The following XRCC1 variants were observed in gnomAD, a reference collection of about 807,000 sequenced individuals.
The protein encoded by XRCC1 is DNA repair protein XRCC1.
In XRCC1, 52 loss-of-function variants were observed where a neutral mutation model predicts 83.3. The observed-to-expected ratio is 0.62, with a 90% CI of 0.50 to 0.79. The LOEUF (loss-of-function observed/expected upper bound fraction) is 0.79. Among genes scored for constraint, XRCC1 ranks in the 30% least tolerant of loss-of-function variants. XRCC1 has a pLI of 0.00. For synonymous variants in XRCC1, 281 were observed against 312.6 expected, an observed-to-expected ratio of 0.90 and a Z score of 1.07; for missense variants, 793 against 823.5, an observed-to-expected ratio of 0.96 and a Z score of 0.45.
chr19:43,554,072 G>T (rs1296174073), intron 4 of XRCC1, among the ~76,000 whole-genome samples: 1 of 152,186 alleles, frequency 6.6e-6, no homozygotes, highest in African/African-American at 2.4e-5. Context: ...AATAGGAGAA[G>T]TCTGGGTCCC....
intron 6 of XRCC1, 77 bp from the exon 7 acceptor site, chr19:43,553,168 A>C (rs1329761037): frequency 6.9e-7 from 1 of 1,452,550 alleles, no homozygotes; most frequent in Non-Finnish European, 9.4e-7. Context: ...TGGGACACAG[A>C]ATATTGTTGC....
At chr19:43,567,014 A>G (rs970924594) in intron 2 of XRCC1, among the ~76,000 whole-genome samples, 2 of 152,194 alleles carry the variant, frequency 1.3e-5, no homozygotes, top group African/African-American at 4.8e-5. Flanking sequence ...AAGTTGTGAT[A>G]TATGCTACAA....
intron 12 of XRCC1, 66 bp from the exon 13 acceptor site, chr19:43,546,172 G>A: frequency 6.3e-7 from 1 of 1,577,506 alleles, no homozygotes; most frequent in Non-Finnish European, 8.7e-7. Context: ...AGCTCTCCCA[G>A]TATGGCACAG....
At chr19:43,563,651 C>A (rs1016250568) in intron 2 of XRCC1, among the ~76,000 whole-genome samples, 4 of 152,178 alleles carry the variant, frequency 2.6e-5, no homozygotes, top group Non-Finnish European at 1.5e-5. Flanking sequence ...ACCTGCCAAT[C>A]CCCCTGCCTA....
chr19:43,546,390 C>G (rs1972510403), intron 12 of XRCC1, among the ~76,000 whole-genome samples: 2 of 149,458 alleles, frequency 1.3e-5, no homozygotes, highest in African/African-American at 2.5e-5. Flanking sequence ...AGGCCCCCAG[C>G]CCCTCCTCCC....
In XRCC1 at chr19:43,560,956, A is replaced by T; in HGVS notation, c.209T>A (p.Val70Glu). ...IGNDGSAFVE[V>E]LVGSSAGGAG... ...GCCTCCAGCTGAACTGCCCACCAGC[A>T]CCTCCACGAAAGCTGAGCCATCATT... The change falls in exon 3 of 17, where the codon GTG becomes GAG. Residue 70 changes from valine (V) to glutamate (E), a missense_variant. Transcript: ENST00000262887. 6.2e-7 allele frequency: 1 copy of T among 1,614,100 alleles called. No individual in the cohort carries two copies. The highest frequency in any genetic ancestry group is 8.5e-7 in the Non-Finnish European group (1 of 1,180,012).
At position 43,552,190 on chromosome 19, in the gene XRCC1, G is replaced by A. The variant is rs1245346551; in HGVS notation, c.909C>T (p.Gly303=). The change falls in exon 9 of 17, where the codon GGC becomes GGT. Residue 303 remains glycine, a synonymous_variant. Transcript: ENST00000262887. ...GAVTGKPRGE[G]TEPRRPRAGP... Reference sequence around the variant, plus strand: ...CAGCTCGGGGTCGTCTGGGCTCGGTGCCTTCTCCTCGGGGTTTGCCTGTCA... The same window carrying A: ...CAGCTCGGGGTCGTCTGGGCTCGGTACCTTCTCCTCGGGGTTTGCCTGTCA... 1 of 1,614,022 alleles carries A rather than the reference G, an allele frequency of 6.2e-7. No homozygotes were observed. Among genetic ancestry groups the A allele is most frequent in the Non-Finnish European group, 8.5e-7 (1 of 1,179,968 alleles).
chr19:43,564,056 T>A lies in XRCC1; in HGVS notation c.145-3036A>T, dbSNP rs570454153. The stretch of plus-strand genomic sequence containing the variant: ...CCTTGTGCCTCAGTTTTCGAACCTA[T>A]GAAATGGGGACAATAACAACGTCTA... On this transcript the variant is annotated intron_variant, in intron 2 of 16. Coordinates refer to ENST00000262887, the MANE Select transcript of XRCC1 (RefSeq NM_006297.3). Among the ~76,000 whole-genome samples the A allele has an allele frequency of 2.0e-5, 3 of 152,150 alleles. No homozygotes were observed. In the East Asian group the frequency reaches 5.8e-4, roughly 29 times the overall value.
chr19:43,546,793 C>T (rs531440741), intron 11 of XRCC1, 66 bp from the exon 12 acceptor site: 2 of 1,592,650 alleles, frequency 1.3e-6, no homozygotes, highest in Non-Finnish European at 1.7e-6. Context: ...GGGGTACCTG[C>T]AAGAGGCAAG....
At chr19:43,557,278 C>T (rs954201019) in intron 3 of XRCC1, among the ~76,000 whole-genome samples, 65 of 139,028 alleles carry the variant, frequency 4.7e-4, no homozygotes, top group African/African-American at 1.7e-3. Context: ...CACTGCACTC[C>T]AGCCTGGCAA....
At position 43,557,792 on chromosome 19, in the gene XRCC1, C is replaced by CAAAAAAA. The variant is rs35267441; in HGVS notation, c.256-2995_256-2989dup. ...GGGCAACAGGAGCAAAATTCCATCT[C>CAAAAAAA]AAAAAAAAAAAAAAAAAAAAAAAAA... On this transcript the variant is annotated intron_variant, in intron 3 of 16. Transcript: ENST00000262887. Among the ~76,000 whole-genome samples, 7 of 41,014 alleles carry CAAAAAAA rather than the reference C, an allele frequency of 1.7e-4. 2 individuals are homozygous for CAAAAAAA. Among genetic ancestry groups the CAAAAAAA allele is most frequent in the Admixed American group, 3.9e-4 (1 of 2,594 alleles). The allele number at this position is 41,014 out of a possible 152,430, so 26.9% of individuals were successfully genotyped here.
Position 43,554,636 on chromosome 19 carries a change from C to A in XRCC1, c.414+10G>T, listed in dbSNP as rs1972616264. The A allele has an allele frequency of 6.2e-7, 1 of 1,607,712 alleles. No individual in the cohort carries two copies. The highest frequency in any genetic ancestry group is 1.7e-5 in the Admixed American group (1 of 59,244). ...CAAGGACTCTGCACCCTGGCTCCCACCCTAGGTACCTTGCTGTAGGGCTGG... is the reference window on the plus strand; with the variant it reads ...CAAGGACTCTGCACCCTGGCTCCCAACCTAGGTACCTTGCTGTAGGGCTGG... On this transcript the variant is annotated intron_variant, in intron 4 of 16. Transcript: ENST00000262887.
chr19:43,544,126 C>G lies in XRCC1; in HGVS notation c.1712+18G>C, dbSNP rs759658561. 1 of 1,592,880 alleles carries G rather than the reference C, an allele frequency of 6.3e-7. No individual in the cohort carries two copies. Among genetic ancestry groups the G allele is most frequent in the Non-Finnish European group, 8.6e-7 (1 of 1,168,344 alleles). On this transcript the variant is annotated intron_variant, in intron 15 of 16. Transcript: ENST00000262887. ...TGGATCCATCACCCCTTCCCCACCCCAGTCCCTGGAGACTCACCCATTGAA... is the reference window on the plus strand; with the variant it reads ...TGGATCCATCACCCCTTCCCCACCCGAGTCCCTGGAGACTCACCCATTGAA...
At chr19:43,561,081 C>T (rs1972694499) in intron 2 of XRCC1, 61 bp from the exon 3 acceptor site, 1 of 1,330,364 alleles carries the variant, frequency 7.5e-7, no homozygotes, top group Middle Eastern at 1.8e-4. Context: ...CACTGTGGGA[C>T]CTCAGGATGA....
chr19:43,557,619 C>A (rs890017932), intron 3 of XRCC1, among the ~76,000 whole-genome samples: 19 of 151,596 alleles, frequency 1.3e-4, no homozygotes, highest in African/African-American at 3.4e-4. Context: ...CATGGGAAAA[C>A]CCTGTCCTAC....
rs759952437 is a variant in XRCC1, at chr19:43,552,103, G to A, written c.996C>T (p.Asn332=). The change falls in exon 9 of 17, where the codon AAC becomes AAT. Residue 332 remains asparagine, a synonymous_variant. Transcript: ENST00000262887. ...GVVVVLSGFQ[N]PFRSELRDKA... ...TATCTCGCAGCTCGGAGCGGAAGGG[G>A]TTCTGGAAGCCACTCAGCACCACTA... 1 of 1,614,068 alleles carries A rather than the reference G, an allele frequency of 6.2e-7. No individual in the cohort carries two copies.
intron 3 of XRCC1, among the ~76,000 whole-genome samples, chr19:43,559,155 A>G (rs1972669494): frequency 6.6e-6 from 1 of 151,160 alleles, no homozygotes; most frequent in Non-Finnish European, 1.5e-5. Flanking sequence ...TAAATAAAAT[A>G]AATAAATAAG....
At chr19:43,559,098 G>A (rs2146059260) in intron 3 of XRCC1, among the ~76,000 whole-genome samples, 1 of 151,978 alleles carries the variant, frequency 6.6e-6, no homozygotes, top group South Asian at 2.1e-4. Context: ...CCAAGATCAT[G>A]CCACTGCACT....
intron 2 of XRCC1, 70 bp downstream of exon 2, chr19:43,574,833 CCAGTTGG>C: frequency 8.3e-7 from 1 of 1,209,638 alleles, no homozygotes; most frequent in Non-Finnish European, 1.2e-6. Flanking sequence ...AAACCCACTG[CCAGTTGG>C]CTCAGGAGCA....
Sources: gnomAD v4.1 joint callset for allele counts (sites outside exome capture counted in the v4.1 genomes callset) on GRCh38, gnomAD v4.1.1 for gene constraint, MANE v1.5 for transcripts, NCBI Gene and HGNC (gene_info 2026-07-23, HGNC 2026-07-21) for gene names.